PCSK5: variants seen among roughly 807,000 people sequenced by gnomAD.
The protein encoded by PCSK5 is prohormone convertase 5.
Under a neutral mutation model 233.2 loss-of-function variants are expected in PCSK5, and 129 were observed. The observed-to-expected ratio is 0.55, with a 90% CI of 0.48 to 0.64. The LOEUF (loss-of-function observed/expected upper bound fraction) is 0.64, where lower values mean the gene tolerates loss of function less well. PCSK5 is among the 30% of genes least tolerant of loss of function. PCSK5 has a pLI of 0.00. For synonymous variants in PCSK5, 825 were observed against 879.2 expected (o/e 0.94, Z 1.09); for missense variants, 2,076 against 2,430.1 (o/e 0.85, Z 3.06).
chr9:75,996,087 C>CT (rs1827010025), intron 3 of PCSK5, among the ~76,000 whole-genome samples: 1 of 152,016 alleles, frequency 6.6e-6, no homozygotes, highest in South Asian at 2.1e-4. Flanking sequence ...TAAAAAAATA[C>CT]TTTGTATTCA....
chr9:76,012,788 C>T (rs1000463194), intron 3 of PCSK5, among the ~76,000 whole-genome samples: 3 of 152,168 alleles, frequency 2.0e-5, no homozygotes, highest in Admixed American at 2.0e-4. Flanking sequence ...TCTCCAACTA[C>T]TTATGGTCCA....
rs1825556192 is a variant in PCSK5, at chr9:75,890,774, T to G, written c.-408T>G. 1.7e-5 allele frequency: 3 copies of G among 172,938 alleles called. No individual in the cohort carries two copies. The South Asian group carries it at 5.8e-4, about 33-fold the overall frequency. The allele number at this position is 172,938 out of a possible 1,614,324, so 10.7% of individuals were successfully genotyped here. On this transcript the variant is annotated 5_prime_UTR_variant, in exon 1 of 38. Transcript: ENST00000674117. ...GCCAGCAGAGGGGGCGCCCGGTCGC[T>G]GCCTGTACCGCTCCCGCTGGTCATC...
chr9:76,208,645 T>TA, intron 20 of PCSK5, among the ~76,000 whole-genome samples: 1 of 152,212 alleles, frequency 6.6e-6, no homozygotes, highest in East Asian at 1.9e-4. Flanking sequence ...CATCTGTTCT[T>TA]AAAAATATTC....
At chr9:76,255,366 A>G (rs1199944113) in intron 24 of PCSK5, among the ~76,000 whole-genome samples, 1 of 152,230 alleles carries the variant, frequency 6.6e-6, no homozygotes, top group African/African-American at 2.4e-5. Flanking sequence ...ACTGATTAAG[A>G]TAGATATAGA....
intron 20 of PCSK5, chr9:76,195,786 G>GT (rs1564100543): frequency 1.3e-5 from 2 of 152,000 alleles, no homozygotes; most frequent in Non-Finnish European, 2.9e-5. Context: ...ATGTTCAGTT[G>GT]TTTTTTTGTA....
Position 75,935,150 on chromosome 9 carries a change from C to T in PCSK5, c.297+2667C>T, listed in dbSNP as rs529774195. 3.5e-4 allele frequency among the ~76,000 whole-genome samples: 53 copies of T among 152,230 alleles called. No homozygotes were observed. In the South Asian group the frequency reaches 0.01, roughly 30 times the overall value. ...TGGCACGATCTCGACTCACTGCAAC[C>T]GCTGTCTCCCGTTTTCAAGCAACTG... On this transcript the variant is annotated intron_variant, in intron 2 of 37. Coordinates refer to ENST00000674117, the MANE Select transcript of PCSK5 (RefSeq NM_001372043.1).
chr9:76,263,139 A>C (rs1261884825), intron 24 of PCSK5, among the ~76,000 whole-genome samples: 1 of 151,926 alleles, frequency 6.6e-6, no homozygotes, highest in Admixed American at 6.6e-5. Flanking sequence ...CAGGTGCTGG[A>C]GAGGATGTGG....
chr9:75,923,930 T>G (rs1823363289), intron 1 of PCSK5, among the ~76,000 whole-genome samples: 1 of 152,194 alleles, frequency 6.6e-6, no homozygotes, highest in Non-Finnish European at 1.5e-5. Flanking sequence ...ATCTCTTTCT[T>G]TCTGACTTCT....
Position 75,950,153 on chromosome 9 carries a change from C to A in PCSK5, c.297+17670C>A, listed in dbSNP as rs112273745. Reference sequence around the variant, plus strand: ...CACTTGTGTGTGTGTGTGGGGGGGGCGGGGAGGGGGGAACTGCTACAGCTA... The same window carrying A: ...CACTTGTGTGTGTGTGTGGGGGGGGAGGGGAGGGGGGAACTGCTACAGCTA... On this transcript the variant is annotated intron_variant, in intron 2 of 37. Transcript: ENST00000674117. 3.7e-3 allele frequency among the ~76,000 whole-genome samples: 204 copies of A among 55,222 alleles called. 7 individuals carry two copies. Among genetic ancestry groups the A allele is most frequent in the Non-Finnish European group, 7.0e-3 (185 of 26,520 alleles). The allele number at this position is 55,222 out of a possible 152,430, so 36.2% of individuals were successfully genotyped here.
intron 3 of PCSK5, among the ~76,000 whole-genome samples, chr9:75,993,845 A>G (rs1409740665): frequency 1.3e-5 from 2 of 152,208 alleles, no homozygotes; most frequent in Non-Finnish European, 2.9e-5. Flanking sequence ...AATGTTATCT[A>G]CCAGGGAAGC....
chr9:76,031,225 A>G (rs1288809140), intron 5 of PCSK5, among the ~76,000 whole-genome samples: 1 of 152,180 alleles, frequency 6.6e-6, no homozygotes, highest in Non-Finnish European at 1.5e-5. Context: ...GAATCCACAG[A>G]TAGATAACTC....
chr9:76,106,355 TG>T (rs1831979364), intron 8 of PCSK5, among the ~76,000 whole-genome samples: 1 of 152,236 alleles, frequency 6.6e-6, no homozygotes, highest in African/African-American at 2.4e-5. Context: ...GCTATTAGAG[TG>T]GTTTCCAGAA....
chr9:76,207,807 AT>A (rs1487048663), intron 20 of PCSK5, among the ~76,000 whole-genome samples: 1 of 152,084 alleles, frequency 6.6e-6, no homozygotes, highest in African/African-American at 2.4e-5. Flanking sequence ...AGTGCCAGGA[AT>A]TTTTCCCTGA....
At position 75,981,561 on chromosome 9, in the gene PCSK5, C is replaced by CT. The variant is rs570335590; in HGVS notation, c.298-4563dup. The stretch of plus-strand genomic sequence containing the variant: ...ATACATTGTGATTTAGACTTGTAGT[C>CT]TTTTTTTTAGCAACAGGATCTCACT... On this transcript the variant is annotated intron_variant, in intron 2 of 37. Transcript: ENST00000674117. Among the ~76,000 whole-genome samples the CT allele has an allele frequency of 1.2e-3, 180 of 151,874 alleles. 1 individual carries two copies. Among genetic ancestry groups the CT allele is most frequent in the Non-Finnish European group, 2.0e-3 (137 of 67,908 alleles).
At chr9:76,269,444 A>G (rs1393205656) in intron 24 of PCSK5, among the ~76,000 whole-genome samples, 1 of 152,226 alleles carries the variant, frequency 6.6e-6, no homozygotes, top group Non-Finnish European at 1.5e-5. Context: ...CAGCAGGTCC[A>G]AGTGTTACTA....
intron 20 of PCSK5, among the ~76,000 whole-genome samples, chr9:76,211,483 G>A (rs1825326522): frequency 6.6e-6 from 1 of 152,146 alleles, no homozygotes; most frequent in Admixed American, 6.5e-5. Context: ...AGTGGAGACT[G>A]GTTTGTCTGA....
intron 3 of PCSK5, among the ~76,000 whole-genome samples, chr9:76,009,240 CA>C (rs1268478629): frequency 9.3e-5 from 14 of 150,176 alleles, no homozygotes; most frequent in Admixed American, 1.3e-4. Flanking sequence ...GTGAGGATAA[CA>C]AAAAAAAGGT....
chr9:76,139,763 A>C (rs1259549511), intron 10 of PCSK5, among the ~76,000 whole-genome samples: 8 of 151,624 alleles, frequency 5.3e-5, no homozygotes, highest in Non-Finnish European at 1.0e-4. Flanking sequence ...CTTATCTTCT[A>C]GCTCATTTAC....
intron 2 of PCSK5, among the ~76,000 whole-genome samples, chr9:75,950,456 A>G (rs1278521236): frequency 1.3e-5 from 2 of 152,202 alleles, no homozygotes; most frequent in African/African-American, 2.4e-5. Flanking sequence ...ATTTGTTTTT[A>G]AAACGAAAAC....
Sources: gnomAD v4.1 joint callset for allele counts (sites outside exome capture counted in the v4.1 genomes callset) on GRCh38, gnomAD v4.1.1 for gene constraint, MANE v1.5 for transcripts, NCBI Gene and HGNC (gene_info 2026-07-23, HGNC 2026-07-21) for gene names.